NKAIN2: variants seen among roughly 807,000 people sequenced by gnomAD.
NKAIN2 encodes the protein sodium/potassium transporting ATPase interacting 2, also known as sodium/potassium-transporting ATPase subunit beta-1-interacting protein 2.
A neutral mutation model predicts 32.6 loss-of-function variants in NKAIN2; 14 were observed. That is an observed-to-expected ratio of 0.43 (90% CI 0.28 to 0.67). The LOEUF (loss-of-function observed/expected upper bound fraction) is 0.67, where lower values mean the gene tolerates loss of function less well. Among genes scored for constraint, NKAIN2 ranks in the 30% least tolerant of loss-of-function variants. NKAIN2 has a pLI of 0.17. For synonymous variants in NKAIN2, 80 were observed against 87.2 expected (o/e 0.92, Z 0.46); for missense variants, 198 against 258.3 (o/e 0.77, Z 1.60).
intron 1 of NKAIN2, among the ~76,000 whole-genome samples, chr6:123,827,835 A>T (rs184346121): frequency 8.1e-4 from 124 of 152,172 alleles, no homozygotes; most frequent in Middle Eastern, 6.8e-3. Flanking sequence ...AAAAAATTAC[A>T]GAGTAGAATT....
chr6:124,751,222 T>G (rs1310394897), intron 4 of NKAIN2, among the ~76,000 whole-genome samples: 1 of 152,102 alleles, frequency 6.6e-6, no homozygotes, highest in Admixed American at 6.6e-5. Context: ...ACTATCCTTC[T>G]TGATTATTAC....
intron 1 of NKAIN2, among the ~76,000 whole-genome samples, chr6:123,810,806 T>C (rs1045650268): frequency 4.6e-5 from 7 of 152,174 alleles, no homozygotes; most frequent in Non-Finnish European, 7.4e-5. Flanking sequence ...CCAATAATAT[T>C]TGCCATAATT....
intron 1 of NKAIN2, among the ~76,000 whole-genome samples, chr6:123,884,039 A>T (rs1338990058): frequency 4.0e-5 from 6 of 151,800 alleles, no homozygotes; most frequent in African/African-American, 1.2e-4. Context: ...GATTTGTTGT[A>T]CATATTATTT....
intron 4 of NKAIN2, among the ~76,000 whole-genome samples, chr6:124,749,248 G>C (rs1777598180): frequency 1.3e-5 from 2 of 151,934 alleles, no homozygotes; most frequent in East Asian, 2.0e-4. Flanking sequence ...TCTGACCCAA[G>C]CTGGGAAAGC....
chr6:124,782,592 T>C (rs1779320935), intron 4 of NKAIN2, among the ~76,000 whole-genome samples: 1 of 152,158 alleles, frequency 6.6e-6, no homozygotes, highest in South Asian at 2.1e-4. Context: ...TGTCTACTAA[T>C]GTTAGAGAAT....
rs183981832 is a variant in NKAIN2, at chr6:123,881,603, C to T, written c.54+77349C>T. Among the ~76,000 whole-genome samples, 222 of 152,240 alleles carry T rather than the reference C, an allele frequency of 1.5e-3. 1 individual carries two copies. Among genetic ancestry groups the T allele is most frequent in the Non-Finnish European group, 2.7e-3 (184 of 68,008 alleles). On this transcript the variant is annotated intron_variant, in intron 1 of 6. Transcript: ENST00000368417. ...TGCATTATCTTCCATTCTTAAGGAA[C>T]TGTTTTTAGAGTCTGTTTTGTGTTT...
chr6:124,284,737 G>T (rs926088525), intron 2 of NKAIN2, among the ~76,000 whole-genome samples: 1 of 151,728 alleles, frequency 6.6e-6, no homozygotes, highest in Non-Finnish European at 1.5e-5. Context: ...TATTTAAAAA[G>T]CCCCCAATAA....
intron 5 of NKAIN2, among the ~76,000 whole-genome samples, chr6:124,815,985 A>G (rs1350478790): frequency 6.6e-6 from 1 of 152,188 alleles, no homozygotes; most frequent in Non-Finnish European, 1.5e-5. Context: ...TAGCTGGCAA[A>G]GGGAAAAGCA....
chr6:124,779,128 TAC>T (rs2114778896), intron 4 of NKAIN2, among the ~76,000 whole-genome samples: 1 of 151,874 alleles, frequency 6.6e-6, no homozygotes, highest in Non-Finnish European at 1.5e-5. Context: ...TAATCCCAGA[TAC>T]TTGGGAGGTT....
At chr6:123,830,265 G>C (rs892972605) in intron 1 of NKAIN2, among the ~76,000 whole-genome samples, 3 of 152,118 alleles carry the variant, frequency 2.0e-5, no homozygotes, top group African/African-American at 7.2e-5. Context: ...TTACACAGCA[G>C]CCAAAGTGAG....
intron 3 of NKAIN2, among the ~76,000 whole-genome samples, chr6:124,559,314 G>A (rs1455249645): frequency 6.6e-6 from 1 of 152,108 alleles, no homozygotes; most frequent in Admixed American, 6.5e-5. Flanking sequence ...GGAGACTCAG[G>A]GGTTTTGAGA....
intron 1 of NKAIN2, among the ~76,000 whole-genome samples, chr6:124,249,408 G>A (rs1026650089): frequency 1.3e-5 from 2 of 152,018 alleles, no homozygotes; most frequent in African/African-American, 4.8e-5. Flanking sequence ...GCTATGGGGG[G>A]TAGTCATATG....
At chr6:124,622,117 C>T (rs1045573692) in intron 3 of NKAIN2, among the ~76,000 whole-genome samples, 2 of 152,130 alleles carry the variant, frequency 1.3e-5, no homozygotes, top group Non-Finnish European at 2.9e-5. Flanking sequence ...AGGCATGATC[C>T]CTCTAGGACT....
intron 6 of NKAIN2, among the ~76,000 whole-genome samples, chr6:124,821,054 G>A (rs552234579): frequency 6.6e-5 from 10 of 152,122 alleles, no homozygotes; most frequent in Admixed American, 2.0e-4. Context: ...TAGCACTTTG[G>A]GAGGCCGAGA....
chr6:124,516,359 A>G (rs938091594), intron 3 of NKAIN2, among the ~76,000 whole-genome samples: 1 of 152,186 alleles, frequency 6.6e-6, no homozygotes, highest in Non-Finnish European at 1.5e-5. Flanking sequence ...AATACTAGAC[A>G]ATAACATTTT....
At chr6:124,740,912 G>A (rs1263491251) in intron 4 of NKAIN2, among the ~76,000 whole-genome samples, 2 of 151,842 alleles carry the variant, frequency 1.3e-5, no homozygotes, top group Middle Eastern at 3.2e-3. Context: ...AGTCAATATG[G>A]AATTTCACAG....
intron 1 of NKAIN2, among the ~76,000 whole-genome samples, chr6:124,110,627 A>G (rs76767744): frequency 0.019 from 2,949 of 152,178 alleles, 106 homozygotes; most frequent in East Asian, 0.11. Flanking sequence ...GCTCCCACGT[A>G]TCAGTAAGAA....
At chr6:123,870,447 G>T (rs976901452) in intron 1 of NKAIN2, among the ~76,000 whole-genome samples, 1 of 152,110 alleles carries the variant, frequency 6.6e-6, no homozygotes, top group Admixed American at 6.5e-5. Flanking sequence ...ATTCCCACCA[G>T]AGAGAACAAA....
chr6:124,113,016 G>A (rs1445142021), intron 1 of NKAIN2, among the ~76,000 whole-genome samples: 2 of 151,938 alleles, frequency 1.3e-5, no homozygotes, highest in African/African-American at 4.8e-5. Context: ...CATTTCATTA[G>A]GGTTGATTTC....
Sources: gnomAD v4.1 joint callset for allele counts (sites outside exome capture counted in the v4.1 genomes callset) on GRCh38, gnomAD v4.1.1 for gene constraint, MANE v1.5 for transcripts, NCBI Gene and HGNC (gene_info 2026-07-23, HGNC 2026-07-21) for gene names.